DIAPH2: variants seen among roughly 807,000 people sequenced by gnomAD.
DIAPH2 encodes the protein protein diaphanous homolog 2.
Under a neutral mutation model 92.7 loss-of-function variants are expected in DIAPH2, and 35 were observed. The ratio of observed to expected loss-of-function variants is 0.38; its 90% CI spans 0.29 to 0.50. DIAPH2 has a LOEUF of 0.50. Among genes scored for constraint, DIAPH2 ranks in the 20% least tolerant of loss-of-function variants. The probability of loss-of-function intolerance (pLI) is 0.94; values close to 1 mark genes in which losing one functional copy is unlikely to be tolerated. For synonymous variants in DIAPH2, 301 were observed against 280.4 expected, an observed-to-expected ratio of 1.07 and a Z score of -0.73; for missense variants, 701 against 819.5, an observed-to-expected ratio of 0.86 and a Z score of 1.77.
At chrX:97,071,060 A>G (rs1317979223) in intron 17 of DIAPH2, among the ~76,000 whole-genome samples, 3 of 111,216 alleles carry the variant, frequency 2.7e-5, no homozygotes, top group African/African-American at 9.8e-5. Context: ...ATATTGAGAT[A>G]TTAGGAAAAT....
chrX:96,963,471 A>T (rs2065877032), intron 16 of DIAPH2, among the ~76,000 whole-genome samples: 1 of 111,313 alleles, frequency 9.0e-6, no homozygotes, highest in Non-Finnish European at 1.9e-5. Flanking sequence ...CTCATTCTAG[A>T]GCAATGCCAT....
At chrX:96,977,777 G>A (rs1019557104) in intron 17 of DIAPH2, among the ~76,000 whole-genome samples, 9 of 110,055 alleles carry the variant, frequency 8.2e-5, no homozygotes, top group African/African-American at 6.6e-5. Flanking sequence ...TCTGCCTCCC[G>A]GGTTCAAGCA....
chrX:97,398,410 G>A (rs774993365), intron 25 of DIAPH2, among the ~76,000 whole-genome samples: 13 of 111,560 alleles, frequency 1.2e-4, no homozygotes, highest in African/African-American at 4.2e-4. Context: ...CATGCAGCCT[G>A]TACTTTTAAG....
Position 97,479,922 on chromosome X carries a change from T to C in DIAPH2, c.3241+50177T>C, listed in dbSNP as rs1171273785. Among the ~76,000 whole-genome samples the C allele has an allele frequency of 3.6e-5, 4 of 111,700 alleles. No individual in the cohort carries two copies. In the Admixed American group the frequency reaches 3.8e-4, roughly 11 times the overall value. On this transcript the variant is annotated intron_variant, in intron 26 of 26. Coordinates refer to ENST00000324765, the MANE Select transcript of DIAPH2 (RefSeq NM_006729.5). ...GTCAGCTTATTAGGTAGATGTTATA[T>C]GAACTTGCTTATTTCAAAAGGAAAA...
intron 4 of DIAPH2, among the ~76,000 whole-genome samples, chrX:96,854,718 A>C (rs2147716877): frequency 9.9e-6 from 1 of 101,334 alleles, no homozygotes; most frequent in Non-Finnish European, 2.0e-5. Flanking sequence ...CTGGACAAAG[A>C]GAGGATTTGT....
intron 21 of DIAPH2, among the ~76,000 whole-genome samples, chrX:97,134,094 C>T (rs2067155558): frequency 9.0e-6 from 1 of 111,609 alleles, no homozygotes; most frequent in South Asian, 3.8e-4. Context: ...ACTATAGCAG[C>T]ATTTAAGTAT....
chrX:96,774,957 T>TA (rs1233712711), intron 4 of DIAPH2, among the ~76,000 whole-genome samples: 1 of 112,445 alleles, frequency 8.9e-6, no homozygotes, highest in East Asian at 2.8e-4. Flanking sequence ...GTGTATAAAC[T>TA]AAAATCAGAA....
intron 24 of DIAPH2, 108 bp downstream of exon 24, chrX:97,348,388 ATT>A: frequency 1.5e-6 from 1 of 650,915 alleles, no homozygotes; most frequent in Non-Finnish European, 2.2e-6. Context: ...TTCATGTGAC[ATT>A]TTTTTAATAA....
At chrX:97,457,268 C>A (rs955266471) in intron 26 of DIAPH2, among the ~76,000 whole-genome samples, 1 of 112,137 alleles carries the variant, frequency 8.9e-6, no homozygotes, top group South Asian at 3.7e-4. Context: ...TGATCCACCC[C>A]TCTCCCAAAG....
At chrX:97,074,232 C>A (rs1421037759) in intron 18 of DIAPH2, among the ~76,000 whole-genome samples, 2 of 110,904 alleles carry the variant, frequency 1.8e-5, no homozygotes, top group African/African-American at 6.6e-5. Context: ...CATGGTGAAA[C>A]CCCGCCTCTA....
At chrX:97,009,838 T>C (rs2066211610) in intron 17 of DIAPH2, among the ~76,000 whole-genome samples, 1 of 111,667 alleles carries the variant, frequency 9.0e-6, no homozygotes, top group African/African-American at 3.3e-5. Flanking sequence ...CTCTTCCCTT[T>C]CCTCTCCTCA....
At chrX:97,161,051 G>C (rs796631990) in intron 22 of DIAPH2, among the ~76,000 whole-genome samples, 2 of 88,947 alleles carry the variant, frequency 2.2e-5, no homozygotes, top group African/African-American at 8.2e-5. Flanking sequence ...TTGTTTTTTT[G>C]TTTTTTTTTT....
At chrX:96,804,104 G>A (rs1038015675) in intron 4 of DIAPH2, among the ~76,000 whole-genome samples, 7 of 111,241 alleles carry the variant, frequency 6.3e-5, no homozygotes, top group Admixed American at 1.9e-4. Context: ...CTCCCTGACC[G>A]GAATAATTTT....
At chrX:96,824,494 A>C (rs1372885527) in intron 4 of DIAPH2, among the ~76,000 whole-genome samples, 2 of 111,141 alleles carry the variant, frequency 1.8e-5, no homozygotes, top group Non-Finnish European at 3.8e-5. Context: ...TAAAAAAAAA[A>C]AACAAATAAA....
intron 22 of DIAPH2, among the ~76,000 whole-genome samples, chrX:97,208,860 C>T (rs1283580500): frequency 4.5e-5 from 5 of 110,121 alleles, no homozygotes; most frequent in African/African-American, 1.3e-4. Flanking sequence ...TGTAAGGCAG[C>T]GGTGAGGGGT....
intron 23 of DIAPH2, among the ~76,000 whole-genome samples, chrX:97,282,847 T>G (rs2068510213): frequency 8.9e-6 from 1 of 111,985 alleles, no homozygotes; most frequent in South Asian, 3.7e-4. Flanking sequence ...CAAAATGCTC[T>G]TTTCAGTATT....
intron 26 of DIAPH2, among the ~76,000 whole-genome samples, chrX:97,479,471 A>G (rs990794210): frequency 4.5e-5 from 5 of 112,229 alleles, no homozygotes; most frequent in Non-Finnish European, 9.4e-5. Context: ...TCTAATCTCT[A>G]TGGCACATCA....
chrX:97,473,268 A>C (rs191101137), intron 26 of DIAPH2, among the ~76,000 whole-genome samples: 2 of 112,468 alleles, frequency 1.8e-5, no homozygotes, highest in Admixed American at 9.4e-5. Context: ...GTTGGATAAC[A>C]AACTATGGCC....
At chrX:97,424,274 T>C (rs1189959339) in intron 25 of DIAPH2, among the ~76,000 whole-genome samples, 1 of 111,823 alleles carries the variant, frequency 8.9e-6, no homozygotes, top group African/African-American at 3.2e-5. Context: ...CAAAAATTTT[T>C]TTTTTAGCAG....
Sources: allele counts gnomAD v4.1 joint callset (sites outside exome capture counted in the v4.1 genomes callset), GRCh38; gene constraint gnomAD v4.1.1; transcripts MANE v1.5; gene names NCBI Gene and HGNC (gene_info 2026-07-23, HGNC 2026-07-21).